GNG12: variants seen among roughly 807,000 people sequenced by gnomAD.
GNG12 encodes the protein G protein subunit gamma 12, also known as guanine nucleotide-binding protein G(I)/G(S)/G(O) subunit gamma-12.
For missense variants in GNG12, 69 were observed against 83.8 expected (o/e 0.82, Z 0.69); for synonymous variants, 28 against 29.7 (o/e 0.94, Z 0.19).
At chr1:67,813,804 T>C (rs973999110) in intron 1 of GNG12, among the ~76,000 whole-genome samples, 1 of 152,130 alleles carries the variant, frequency 6.6e-6, no homozygotes, top group Non-Finnish European at 1.5e-5. Flanking sequence ...ATTATCTCTA[T>C]CACCTCCTCC....
In GNG12 at chr1:67,701,945, G is replaced by A. The variant is rs1570467762; in HGVS notation, c.*3506C>T. 6.6e-6 allele frequency: 1 copy of A among 152,668 alleles called. No individual in the cohort carries two copies. The allele number at this position is 152,668 out of a possible 1,614,324, so 9.5% of individuals were successfully genotyped here. ...CACCAACACGTTGGCAGGACCAGCA[G>A]AGGGGTGGGGTCTTTGGACCAAGGC... On this transcript the variant is annotated 3_prime_UTR_variant, in exon 4 of 4. Transcript: ENST00000370982.
intron 1 of GNG12, among the ~76,000 whole-genome samples, chr1:67,816,181 C>T (rs10493427): frequency 0.033 from 5,016 of 152,176 alleles, 174 homozygotes; most frequent in Non-Finnish European, 0.045. Context: ...CGAAATCATA[C>T]ATTTTGAGCT....
intron 1 of GNG12, among the ~76,000 whole-genome samples, chr1:67,810,004 C>T (rs563997630): frequency 6.6e-6 from 1 of 152,072 alleles, no homozygotes; most frequent in Non-Finnish European, 1.5e-5. Flanking sequence ...TGCCAAAACT[C>T]GAAAGAAACC....
chr1:67,806,217 G>GAGAATGCATAAGTGA (rs1646893850), intron 1 of GNG12, among the ~76,000 whole-genome samples: 1 of 152,130 alleles, frequency 6.6e-6, no homozygotes, highest in South Asian at 2.1e-4. Flanking sequence ...GCAAGCATCA[G>GAGAATGCATAAGTGA]AGAATGCATA....
chr1:67,778,061 TTAA>T (rs1297073683), intron 1 of GNG12, among the ~76,000 whole-genome samples: 2 of 149,754 alleles, frequency 1.3e-5, no homozygotes, highest in East Asian at 1.9e-4. Flanking sequence ...TTGAATATAT[TTAA>T]TAATAGATTA....
At chr1:67,738,785 A>AT (rs1404801771) in intron 2 of GNG12, among the ~76,000 whole-genome samples, 1 of 152,204 alleles carries the variant, frequency 6.6e-6, no homozygotes, top group Non-Finnish European at 1.5e-5. Context: ...AGCTGGGGGC[A>AT]TGAGGATTGC....
intron 2 of GNG12, among the ~76,000 whole-genome samples, chr1:67,710,879 A>G (rs1311755263): frequency 1.3e-5 from 2 of 152,212 alleles, no homozygotes; most frequent in African/African-American, 2.4e-5. Context: ...TTAATTGAGT[A>G]CTACTGCTAC....
intron 2 of GNG12, among the ~76,000 whole-genome samples, chr1:67,770,867 GCCCTTGGTGGCTGGATGGAGGGAAGTCCT>G (rs1437733877): frequency 6.6e-6 from 1 of 152,164 alleles, no homozygotes; most frequent in Non-Finnish European, 1.5e-5. Context: ...GGGGGAAGTG[GCCCTTGGTGGCTGGATGGAGGGAAGTCCT>G]CCCTTGGAAT....
intron 1 of GNG12, among the ~76,000 whole-genome samples, chr1:67,818,413 GTTTTT>G (rs1163831257): frequency 3.8e-4 from 32 of 83,898 alleles, no homozygotes; most frequent in African/African-American, 1.1e-3. Context: ...AAGACCAGGG[GTTTTT>G]TTTTTTTTTT....
intron 1 of GNG12, among the ~76,000 whole-genome samples, chr1:67,791,453 A>T (rs1646801616): frequency 2.0e-5 from 3 of 152,128 alleles, no homozygotes; most frequent in African/African-American, 7.2e-5. Flanking sequence ...GTAAGGCATC[A>T]CAAACAATTG....
chr1:67,802,865 A>G (rs1646874619), intron 1 of GNG12, among the ~76,000 whole-genome samples: 1 of 152,218 alleles, frequency 6.6e-6, no homozygotes, highest in South Asian at 2.1e-4. Flanking sequence ...TGTCCTGGAC[A>G]TCTCTGCACA....
At chr1:67,827,832 C>G (rs184140575) in intron 1 of GNG12, among the ~76,000 whole-genome samples, 1 of 152,330 alleles carries the variant, frequency 6.6e-6, no homozygotes, top group East Asian at 1.9e-4. Flanking sequence ...CACAACTGAG[C>G]ACTTTTACGA....
chr1:67,710,500 A>G (rs1469394892), intron 2 of GNG12, among the ~76,000 whole-genome samples: 1 of 151,880 alleles, frequency 6.6e-6, no homozygotes, highest in Admixed American at 6.6e-5. Flanking sequence ...GTTCACACAT[A>G]TCAGGACTGG....
chr1:67,782,250 T>C (rs985204473), intron 1 of GNG12, among the ~76,000 whole-genome samples: 2 of 152,226 alleles, frequency 1.3e-5, no homozygotes, highest in African/African-American at 4.8e-5. Context: ...TTGTCTTTAT[T>C]AGATGTTTGG....
rs76311972 is a variant in GNG12, at chr1:67,738,872, T to G, written c.-26-31160A>C. 5.9e-3 allele frequency among the ~76,000 whole-genome samples: 898 copies of G among 152,210 alleles called. 4 individuals are homozygous for G. Among genetic ancestry groups the G allele is most frequent in the Non-Finnish European group, 7.2e-3 (490 of 68,010 alleles). The stretch of plus-strand genomic sequence containing the variant: ...CCATTCTGGGCAACACAGCAACACC[T>G]TGGCTTTTAAAACAACAGAAATGGG... On this transcript the variant is annotated intron_variant, in intron 2 of 3. Coordinates refer to ENST00000370982, the MANE Select transcript of GNG12 (RefSeq NM_018841.6).
At chr1:67,800,349 T>G (rs1020680137) in intron 1 of GNG12, among the ~76,000 whole-genome samples, 1 of 152,208 alleles carries the variant, frequency 6.6e-6, no homozygotes, top group African/African-American at 2.4e-5. Context: ...AATTCCAAGT[T>G]TGGCTTGAAT....
At chr1:67,816,884 A>C (rs1646956471) in intron 1 of GNG12, among the ~76,000 whole-genome samples, 1 of 147,588 alleles carries the variant, frequency 6.8e-6, no homozygotes, top group Non-Finnish European at 1.5e-5. Context: ...TGCAAGTAAC[A>C]GAAGCTTTCT....
chr1:67,764,575 G>T (rs922287560), intron 2 of GNG12, among the ~76,000 whole-genome samples: 7 of 152,188 alleles, frequency 4.6e-5, no homozygotes, highest in Admixed American at 1.3e-4. Context: ...ACCTGACTTT[G>T]AGGGACCATT....
At position 67,709,868 on chromosome 1, in the gene GNG12, ATATATATATT is replaced by A. The variant is rs1293303292; in HGVS notation, c.-26-2166_-26-2157del. ...TATATATATTTATATATATATAGTTATATATATATTTATATATATAGTTATATATATATTT... is the reference window on the plus strand; with the variant it reads ...TATATATATTTATATATATATAGTTATATATATATAGTTATATATATATTT... On this transcript the variant is annotated intron_variant, in intron 2 of 3. Coordinates refer to ENST00000370982, the MANE Select transcript of GNG12 (RefSeq NM_018841.6). Among the ~76,000 whole-genome samples the A allele has an allele frequency of 5.7e-5, 7 of 122,368 alleles. No individual in the cohort carries two copies. The South Asian group carries it at 1.6e-3, about 28-fold the overall frequency. 80.3% of individuals were successfully genotyped at this position (122,368 alleles called of 152,430 possible).
Sources: allele counts gnomAD v4.1 joint callset (sites outside exome capture counted in the v4.1 genomes callset), GRCh38; gene constraint gnomAD v4.1.1; transcripts MANE v1.5; gene names NCBI Gene and HGNC (gene_info 2026-07-23, HGNC 2026-07-21).